Variants in PTPRG observed in about 807,000 individuals in gnomAD.
The protein encoded by PTPRG is protein tyrosine phosphatase receptor type G, also known as receptor-type tyrosine-protein phosphatase gamma.
In PTPRG, 102 loss-of-function variants were observed where a neutral mutation model predicts 165.3. The ratio of observed to expected loss-of-function variants is 0.62; its 90% CI spans 0.53 to 0.73. The LOEUF is 0.73. Among genes scored for constraint, PTPRG ranks in the 30% least tolerant of loss-of-function variants. The pLI is 0.00. For missense variants in PTPRG, 1,866 were observed against 1,861.4 expected, an observed-to-expected ratio of 1.00 and a Z score of -0.05; for synonymous variants, 675 against 669.5, an observed-to-expected ratio of 1.01 and a Z score of -0.13.
At chr3:61,853,370 G>A (rs140474497) in intron 2 of PTPRG, among the ~76,000 whole-genome samples, 85 of 152,324 alleles carry the variant, frequency 5.6e-4, no homozygotes, top group African/African-American at 1.7e-3. Context: ...AGGCCGTAAA[G>A]GAATTGCGGC....
rs201556150 is a variant in PTPRG at position 62,273,127 on chromosome 3, G to A, written c.3318+46G>A. The A allele has an allele frequency of 2.3e-5, 35 of 1,546,806 alleles. No homozygotes were observed. In the Admixed American group the frequency reaches 6.8e-4, roughly 30 times the overall value. On this transcript the variant is annotated intron_variant, in intron 22 of 29. Transcript: ENST00000474889. This position sits in a 1 kb window ranked among gnomAD's most constrained non-coding sequence, Gnocchi z 4.1. ...TCCTCACGACATTCTGGCAAATGCT[G>A]TAACTGAAATTTGTTAAATGATAAT...
At chr3:61,896,169 A>G (rs567322321) in intron 2 of PTPRG, among the ~76,000 whole-genome samples, 1 of 152,264 alleles carries the variant, frequency 6.6e-6, no homozygotes, top group South Asian at 2.1e-4. Context: ...TTCCAATACC[A>G]TAAGGATCCC....
At chr3:61,686,555 C>G (rs1201724015) in intron 1 of PTPRG, among the ~76,000 whole-genome samples, 1 of 152,206 alleles carries the variant, frequency 6.6e-6, no homozygotes, top group Non-Finnish European at 1.5e-5. Context: ...GTGTGCCCCA[C>G]AGATGTACTT....
intron 2 of PTPRG, among the ~76,000 whole-genome samples, chr3:61,859,595 G>C (rs2037203704): frequency 6.8e-6 from 1 of 147,708 alleles, no homozygotes; most frequent in South Asian, 2.2e-4. Context: ...TTGAGATCTT[G>C]GTTTGATAGT....
chr3:62,267,386 G>GTT, intron 17 of PTPRG, 24 bp from the exon 18 acceptor site: 9 of 1,455,852 alleles, frequency 6.2e-6, no homozygotes, highest in Non-Finnish European at 7.6e-6. Context: ...TTTTATTTCT[G>GTT]TTTTTTTTTC....
intron 1 of PTPRG, among the ~76,000 whole-genome samples, chr3:61,597,695 A>G (rs1700739121): frequency 6.6e-6 from 1 of 152,188 alleles, no homozygotes; most frequent in African/African-American, 2.4e-5. Context: ...ATCTATTAAA[A>G]TGGATAAATC....
chr3:61,705,007 G>C (rs1478456743), intron 1 of PTPRG, among the ~76,000 whole-genome samples: 1 of 152,160 alleles, frequency 6.6e-6, no homozygotes, highest in Non-Finnish European at 1.5e-5. Context: ...GTTAAAGCCA[G>C]GCAGCTCCTG....
chr3:61,954,634 C>T (rs1033558521), intron 2 of PTPRG, among the ~76,000 whole-genome samples: 3 of 151,898 alleles, frequency 2.0e-5, no homozygotes, highest in Non-Finnish European at 2.9e-5. Flanking sequence ...TCAAGCGAAG[C>T]CAGGGGGAGA....
chr3:61,688,744 C>T (rs909521285), intron 1 of PTPRG, among the ~76,000 whole-genome samples: 2 of 152,208 alleles, frequency 1.3e-5, no homozygotes, highest in Non-Finnish European at 2.9e-5. Flanking sequence ...AATTCTGTGT[C>T]CTTTGCCTGT....
Position 62,195,093 on chromosome 3 carries a change from G to T in PTPRG, c.1250G>T (p.Ser417Ile). ...ACCATTAGCCATGTCTCACCCGATA[G>T]CCTTTACCTGTTCCGAGTCCAGGCC... ...KATISHVSPD[S>I]LYLFRVQAVC... The change falls in exon 10 of 30, where the codon AGC becomes ATC. Residue 417 changes from serine to isoleucine, a missense_variant. By Grantham distance (142) the Ser-to-Ile change is moderately radical (BLOSUM62 -2). Transcript: ENST00000474889. This position sits in a 1 kb window ranked among gnomAD's most constrained non-coding sequence, Gnocchi z 4.4. The T allele has an allele frequency of 6.2e-7, 1 of 1,614,186 alleles. No individual in the cohort carries two copies. The highest frequency in any genetic ancestry group is 8.5e-7 in the Non-Finnish European group (1 of 1,180,032).
intron 13 of PTPRG, among the ~76,000 whole-genome samples, chr3:62,227,509 C>T (rs1700789441): frequency 6.6e-6 from 1 of 152,256 alleles, no homozygotes. Context: ...GGGACTGCAT[C>T]ATTCTTGTCC....
Position 62,048,784 on chromosome 3 carries a change from T to A in PTPRG, c.520-29379T>A, listed in dbSNP as rs1017805161. Among the ~76,000 whole-genome samples the A allele has an allele frequency of 3.9e-5, 6 of 152,342 alleles. No homozygotes were observed. The East Asian group carries it at 9.6e-4, about 24-fold the overall frequency. On this transcript the variant is annotated intron_variant, in intron 4 of 29. Transcript: ENST00000474889. Reference sequence around the variant, plus strand: ...ATTACATAATTGCTGTGTCATCACATTTCATTTGATCTGTAAAGGTGAACA... The same window carrying A: ...ATTACATAATTGCTGTGTCATCACAATTCATTTGATCTGTAAAGGTGAACA...
At chr3:61,738,326 A>G (rs59474300) in intron 1 of PTPRG, among the ~76,000 whole-genome samples, 24,940 of 110,654 alleles carry the variant, frequency 0.23, 6,714 homozygotes, top group East Asian at 0.62. Context: ...ATATATATAT[A>G]TATATATATA....
chr3:61,711,893 C>CTT (rs34377397), intron 1 of PTPRG, among the ~76,000 whole-genome samples: 16,179 of 135,918 alleles, frequency 0.12, 1,330 homozygotes, highest in East Asian at 0.17. Context: ...TTATTATAGT[C>CTT]TTTTTTTTTT....
At chr3:61,873,700 T>A (rs541827572) in intron 2 of PTPRG, among the ~76,000 whole-genome samples, 2 of 152,272 alleles carry the variant, frequency 1.3e-5, no homozygotes, top group South Asian at 4.1e-4. Flanking sequence ...TCCACTGTAT[T>A]CTCTGCTTAT....
At chr3:61,918,051 TA>T (rs1394316995) in intron 2 of PTPRG, among the ~76,000 whole-genome samples, 3 of 152,150 alleles carry the variant, frequency 2.0e-5, no homozygotes, top group Admixed American at 2.0e-4. Flanking sequence ...AAACAGAAGT[TA>T]GAAGAAGCAG....
Position 62,219,245 on chromosome 3 carries a change from C to A in PTPRG, c.2288+262C>A, listed in dbSNP as rs918887536. Among the ~76,000 whole-genome samples, 51 of 152,220 alleles carry A rather than the reference C, an allele frequency of 3.4e-4. No individual in the cohort carries two copies. Among genetic ancestry groups the A allele is most frequent in the African/African-American group, 1.2e-3 (50 of 41,468 alleles). ...TTTGAGAACCAGGGAGATCCAAGTT[C>A]AGATCCAAGCTCTGCTACTTGCTAG... is the stretch of plus-strand genomic sequence containing the variant. On this transcript the variant is annotated intron_variant, in intron 13 of 29. Coordinates refer to ENST00000474889, the MANE Select transcript of PTPRG (RefSeq NM_002841.4). This position sits in a 1 kb window ranked among gnomAD's most constrained non-coding sequence, Gnocchi z 4.5.
intron 3 of PTPRG, among the ~76,000 whole-genome samples, chr3:61,993,425 G>C (rs2040945629): frequency 6.6e-6 from 1 of 151,978 alleles, no homozygotes; most frequent in African/African-American, 2.4e-5. Flanking sequence ...CTCCATGTTG[G>C]TCAGGCTGGT....
At chr3:61,779,067 GACAC>G (rs906562853) in intron 2 of PTPRG, among the ~76,000 whole-genome samples, 1 of 151,952 alleles carries the variant, frequency 6.6e-6, no homozygotes, top group Non-Finnish European at 1.5e-5. Context: ...CACACACACA[GACAC>G]ACACACACGT....
Sources: allele counts gnomAD v4.1 joint callset (sites outside exome capture counted in the v4.1 genomes callset), GRCh38; gene constraint gnomAD v4.1.1; non-coding constraint Gnocchi (gnomAD v3.1); transcripts MANE v1.5; gene names NCBI Gene and HGNC (gene_info 2026-07-23, HGNC 2026-07-21).